The following PDZRN4 variants were observed in gnomAD, a reference collection of about 807,000 sequenced individuals.
The protein encoded by PDZRN4 is PDZ domain-containing RING finger protein 4.
PDZRN4 carries 70 observed loss-of-function variants against 99.0 expected under a neutral mutation model. That is an observed-to-expected ratio of 0.71 (90% CI 0.58 to 0.86). The LOEUF (loss-of-function observed/expected upper bound fraction) is 0.86. Ranked by LOEUF, PDZRN4 falls within the 40% of genes least tolerant of loss-of-function variation. The pLI is 0.00. For missense variants in PDZRN4, 1,474 were observed against 1,331.2 expected, an observed-to-expected ratio of 1.11 and a Z score of -1.67; for synonymous variants, 551 against 501.6, an observed-to-expected ratio of 1.10 and a Z score of -1.32.
intron 3 of PDZRN4, among the ~76,000 whole-genome samples, chr12:41,369,733 GAAT>G (rs1352827907): frequency 1.3e-5 from 2 of 151,868 alleles, no homozygotes; most frequent in African/African-American, 4.8e-5. Context: ...ATACAAACCA[GAAT>G]AATGTTTGCT....
chr12:41,471,505 G>T (rs1164891034), intron 3 of PDZRN4, among the ~76,000 whole-genome samples: 1 of 149,754 alleles, frequency 6.7e-6, no homozygotes, highest in Non-Finnish European at 1.5e-5. Flanking sequence ...CCTTCTACAA[G>T]GTAGAAATTA....
intron 3 of PDZRN4, among the ~76,000 whole-genome samples, chr12:41,322,487 CTTTTTTTTTT>C (rs71081724): frequency 1.1e-5 from 1 of 91,208 alleles, no homozygotes; most frequent in Non-Finnish European, 1.9e-5. Flanking sequence ...ATTTTCTTTC[CTTTTTTTTTT>C]TTTTTTTTTT....
intron 3 of PDZRN4, among the ~76,000 whole-genome samples, chr12:41,437,352 G>A (rs759921792): frequency 4.6e-5 from 7 of 151,906 alleles, no homozygotes; most frequent in Non-Finnish European, 1.0e-4. Flanking sequence ...CCTTCTTGTT[G>A]CAGAGCATGG....
At chr12:41,293,505 A>C (rs1266414327) in intron 3 of PDZRN4, among the ~76,000 whole-genome samples, 6 of 152,086 alleles carry the variant, frequency 3.9e-5, no homozygotes, top group African/African-American at 7.2e-5. Flanking sequence ...GCCAGTATTA[A>C]GAATGAATGT....
intron 3 of PDZRN4, among the ~76,000 whole-genome samples, chr12:41,402,999 T>A (rs1170478504): frequency 6.6e-6 from 1 of 152,084 alleles, no homozygotes; most frequent in Non-Finnish European, 1.5e-5. Context: ...CATCGCTTAA[T>A]AATTCAAGCC....
intron 3 of PDZRN4, among the ~76,000 whole-genome samples, chr12:41,277,815 G>A (rs535083819): frequency 5.9e-5 from 9 of 152,320 alleles, no homozygotes; most frequent in African/African-American, 2.2e-4. Context: ...TAGATTAGCA[G>A]CTATAAATAG....
chr12:41,294,877 A>C, intron 3 of PDZRN4, among the ~76,000 whole-genome samples: 1 of 152,296 alleles, frequency 6.6e-6, no homozygotes, highest in African/African-American at 2.4e-5. Flanking sequence ...AAAGGAGAAA[A>C]ATTAGAAAAT....
At chr12:41,281,432 C>T (rs1461777965) in intron 3 of PDZRN4, among the ~76,000 whole-genome samples, 1 of 152,112 alleles carries the variant, frequency 6.6e-6, no homozygotes, top group African/African-American at 2.4e-5. Context: ...GCTAAAGGAG[C>T]ATGTTCTAAC....
intron 3 of PDZRN4, among the ~76,000 whole-genome samples, chr12:41,425,438 C>T (rs1201016250): frequency 1.3e-5 from 2 of 151,634 alleles, no homozygotes; most frequent in Admixed American, 6.6e-5. Flanking sequence ...ATCCAATGTC[C>T]CAGGAACAAC....
intron 3 of PDZRN4, among the ~76,000 whole-genome samples, chr12:41,461,374 A>G (rs7972858): frequency 0.043 from 6,486 of 151,924 alleles, 205 homozygotes; most frequent in Non-Finnish European, 0.064. Context: ...CAAATTCTCC[A>G]CTCTGGGACC....
At chr12:41,445,822 C>G (rs1232994630) in intron 3 of PDZRN4, among the ~76,000 whole-genome samples, 1 of 152,050 alleles carries the variant, frequency 6.6e-6, no homozygotes, top group Non-Finnish European at 1.5e-5. Flanking sequence ...CTTCTTGTGA[C>G]TCATGTGAAT....
chr12:41,240,610 C>T (rs1011998086), intron 3 of PDZRN4, among the ~76,000 whole-genome samples: 2 of 152,144 alleles, frequency 1.3e-5, no homozygotes, highest in African/African-American at 2.4e-5. Flanking sequence ...AATTAGGTGG[C>T]TTATAAACAA....
At chr12:41,293,900 C>T (rs901753696) in intron 3 of PDZRN4, among the ~76,000 whole-genome samples, 2 of 152,082 alleles carry the variant, frequency 1.3e-5, no homozygotes, top group Non-Finnish European at 1.5e-5. Context: ...AATATCAAAG[C>T]TGGAAAATAT....
chr12:41,317,096 A>G (rs1336528328), intron 3 of PDZRN4, among the ~76,000 whole-genome samples: 1 of 136,480 alleles, frequency 7.3e-6, no homozygotes, highest in Non-Finnish European at 1.6e-5. Flanking sequence ...TATTACATAG[A>G]GAATTATCTA....
chr12:41,357,719 G>A (rs111749411), intron 3 of PDZRN4, among the ~76,000 whole-genome samples: 2,035 of 152,088 alleles, frequency 0.013, 47 homozygotes, highest in African/African-American at 0.047. Context: ...TGAGGCAATA[G>A]GTTTTGGCTC....
intron 3 of PDZRN4, among the ~76,000 whole-genome samples, chr12:41,465,281 A>G (rs1248146868): frequency 6.6e-6 from 1 of 152,200 alleles, no homozygotes; most frequent in Non-Finnish European, 1.5e-5. Context: ...GAGGAACTTT[A>G]TATTGGACAA....
At chr12:41,545,509 ATGTGTG>A (rs61040270) in intron 5 of PDZRN4, among the ~76,000 whole-genome samples, 4,666 of 142,988 alleles carry the variant, frequency 0.033, 109 homozygotes, top group East Asian at 0.1. Flanking sequence ...GATGATATTA[ATGTGTG>A]TGTGTGTGTG....
intron 3 of PDZRN4, among the ~76,000 whole-genome samples, chr12:41,460,721 G>T (rs1395398330): frequency 6.6e-6 from 1 of 152,176 alleles, no homozygotes. Flanking sequence ...ATAGGAGGAG[G>T]AGGAGAGAGT....
chr12:41,472,475 G>A (rs1953003070), intron 3 of PDZRN4, among the ~76,000 whole-genome samples: 1 of 152,042 alleles, frequency 6.6e-6, no homozygotes, highest in African/African-American at 2.4e-5. Flanking sequence ...TTCTCTGACA[G>A]TGTTTTTAAT....
Sources: gnomAD v4.1 joint callset for allele counts (sites outside exome capture counted in the v4.1 genomes callset) on GRCh38, gnomAD v4.1.1 for gene constraint, MANE v1.5 for transcripts, NCBI Gene and HGNC (gene_info 2026-07-23, HGNC 2026-07-21) for gene names.